DOCK1: variants seen among roughly 807,000 people sequenced by gnomAD.
The protein encoded by DOCK1 is dedicator of cytokinesis 1.
A neutral mutation model predicts 262.7 loss-of-function variants in DOCK1; 138 were observed. That is an observed-to-expected ratio of 0.53 (90% CI 0.46 to 0.61). DOCK1 has a LOEUF of 0.61. Ranked by LOEUF, DOCK1 falls within the 20% of genes least tolerant of loss-of-function variation. DOCK1 has a pLI of 0.00. For synonymous variants in DOCK1, 866 were observed against 867.4 expected (o/e 1.00, Z 0.03); for missense variants, 1,908 against 2,370.7 (o/e 0.80, Z 4.05).
chr10:127,138,921 A>G (rs2050958346), intron 27 of DOCK1, among the ~76,000 whole-genome samples: 1 of 152,208 alleles, frequency 6.6e-6, no homozygotes, highest in Non-Finnish European at 1.5e-5. Context: ...GAGTCCTAAC[A>G]GGTCTGCTTG....
intron 27 of DOCK1, among the ~76,000 whole-genome samples, chr10:127,209,748 A>G (rs1052469743): frequency 3.3e-5 from 5 of 152,322 alleles, no homozygotes; most frequent in African/African-American, 1.2e-4. Flanking sequence ...ATGTCCCACA[A>G]ATGGGCAATT....
chr10:127,274,971 G>A (rs1481059719), intron 29 of DOCK1, among the ~76,000 whole-genome samples: 1 of 152,174 alleles, frequency 6.6e-6, no homozygotes, highest in East Asian at 1.9e-4. Flanking sequence ...GTTTCCCCCA[G>A]TGTGGATGTG....
At chr10:127,298,903 G>T (rs145156288) in intron 29 of DOCK1, among the ~76,000 whole-genome samples, 61 of 152,306 alleles carry the variant, frequency 4.0e-4, no homozygotes, top group African/African-American at 1.3e-3. Context: ...TATTCATAAA[G>T]TAATTCGGAT....
intron 29 of DOCK1, among the ~76,000 whole-genome samples, chr10:127,301,231 C>A (rs944698081): frequency 1.3e-5 from 2 of 152,098 alleles, no homozygotes; most frequent in Non-Finnish European, 2.9e-5. Context: ...GAGTGCTAGG[C>A]GGAAGTGCAG....
chr10:127,305,119 A>T (rs1435354040), intron 29 of DOCK1, among the ~76,000 whole-genome samples: 1 of 151,710 alleles, frequency 6.6e-6, no homozygotes, highest in Non-Finnish European at 1.5e-5. Context: ...AATTTTGCAT[A>T]TTTTTTTTAG....
chr10:127,288,621 A>G (rs938098207), intron 29 of DOCK1, among the ~76,000 whole-genome samples: 2 of 152,018 alleles, frequency 1.3e-5, no homozygotes, highest in Non-Finnish European at 2.9e-5. Flanking sequence ...TTGATTTTAT[A>G]TGTGTAATTT....
rs928460121 is a variant in DOCK1 at position 127,012,793 on chromosome 10, C to T, written c.1201+419C>T. ...TGATTTCTCCGCCCCTACACTCCGC[C>T]TCACACTCACTGTTTTTAATCCTGC... On this transcript the variant is annotated intron_variant, in intron 12 of 51. Coordinates refer to ENST00000623213, the MANE Select transcript of DOCK1 (RefSeq NM_001290223.2). The surrounding 1 kb of genome is among the most constrained non-coding windows in gnomAD (Gnocchi z 4.0). Among the ~76,000 whole-genome samples, 2 of 152,214 alleles carry T rather than the reference C, an allele frequency of 1.3e-5. No homozygotes were observed. The highest frequency in any genetic ancestry group is 2.9e-5 in the Non-Finnish European group (2 of 68,038).
chr10:127,112,651 C>G lies in DOCK1; in HGVS notation c.2623+2297C>G, dbSNP rs141692061. Among the ~76,000 whole-genome samples, 909 of 152,198 alleles carry G rather than the reference C, an allele frequency of 6.0e-3. 37 individuals are homozygous for G. The highest frequency in any genetic ancestry group is 2.3e-3 in the Non-Finnish European group (158 of 68,020). On this transcript the variant is annotated intron_variant, in intron 25 of 51. Coordinates refer to ENST00000623213, the MANE Select transcript of DOCK1 (RefSeq NM_001290223.2). ...TTGATCTTAGTATAAGCAAGTTGTACCCAATGTAGTAAATGAGGTTGTATG... is the reference window on the plus strand; with the variant it reads ...TTGATCTTAGTATAAGCAAGTTGTAGCCAATGTAGTAAATGAGGTTGTATG...
chr10:127,257,678 G>T, intron 29 of DOCK1: 1 of 361,846 alleles, frequency 2.8e-6, no homozygotes, highest in Non-Finnish European at 5.2e-6. Flanking sequence ...GCCTGAAGCT[G>T]GATCTCCCCT....
intron 48 of DOCK1, among the ~76,000 whole-genome samples, chr10:127,435,719 A>G (rs2069643020): frequency 6.6e-6 from 1 of 152,186 alleles, no homozygotes; most frequent in African/African-American, 2.4e-5. Flanking sequence ...GCTCTTCCCC[A>G]GAAGGCATTT....
rs1256147988 is a variant in DOCK1, at chr10:127,100,077, T to A, written c.2446-6154T>A. 6.6e-6 allele frequency among the ~76,000 whole-genome samples: 1 copy of A among 152,106 alleles called. No homozygotes were observed. The highest frequency in any genetic ancestry group is 1.5e-5 in the Non-Finnish European group (1 of 68,014). On this transcript the variant is annotated intron_variant, in intron 23 of 51. Coordinates refer to ENST00000623213, the MANE Select transcript of DOCK1 (RefSeq NM_001290223.2). The surrounding 1 kb of genome is among the most constrained non-coding windows in gnomAD (Gnocchi z 5.5). Reference sequence around the variant, plus strand: ...GTGGTGGGGCCAGAGCCCATGGCCCTCCATGGGTGTGGGATAGGTTCCCTG... The same window carrying A: ...GTGGTGGGGCCAGAGCCCATGGCCCACCATGGGTGTGGGATAGGTTCCCTG...
intron 27 of DOCK1, among the ~76,000 whole-genome samples, chr10:127,158,144 A>G (rs369142491): frequency 2.0e-5 from 3 of 152,224 alleles, no homozygotes; most frequent in Admixed American, 2.0e-4. Context: ...GATGAAACAG[A>G]TAAGTTATTT....
At chr10:127,409,478 C>T (rs1286188836) in intron 42 of DOCK1, 87 bp downstream of exon 42, 28 of 1,416,220 alleles carry the variant, frequency 2.0e-5, no homozygotes, top group African/African-American at 9.9e-5. Context: ...TTTTAAAGGA[C>T]GGACTTTGGC....
intron 23 of DOCK1, among the ~76,000 whole-genome samples, chr10:127,075,430 G>A (rs1591918376): frequency 6.6e-6 from 1 of 152,068 alleles, no homozygotes; most frequent in South Asian, 2.1e-4. Context: ...CACCACCACA[G>A]ATGGCTAATT....
In DOCK1 at chr10:127,444,074, A is replaced by C. The variant is rs1469809586; in HGVS notation, c.5260-52A>C. On this transcript the variant is annotated intron_variant, in intron 49 of 51. Coordinates refer to ENST00000623213, the MANE Select transcript of DOCK1 (RefSeq NM_001290223.2). The stretch of plus-strand genomic sequence containing the variant: ...AACATAGGAATTTAGGTGGAAACGC[A>C]ACTCAGCCCATAACAGACCGTAACT... The C allele has an allele frequency of 5.8e-5, 89 of 1,545,506 alleles. 1 individual carries two copies. In the Middle Eastern group the frequency reaches 1.7e-3, roughly 29 times the overall value.
At chr10:127,350,450 G>A (rs571022642) in intron 31 of DOCK1, among the ~76,000 whole-genome samples, 44 of 152,134 alleles carry the variant, frequency 2.9e-4, no homozygotes, top group Admixed American at 1.5e-3. Flanking sequence ...TACCCTCTTC[G>A]TCCAGATTTC....
At chr10:127,353,078 T>C (rs2063964551) in intron 31 of DOCK1, among the ~76,000 whole-genome samples, 1 of 152,158 alleles carries the variant, frequency 6.6e-6, no homozygotes, top group Non-Finnish European at 1.5e-5. Flanking sequence ...CACCTCTTTC[T>C]GATGCCACTT....
At chr10:127,389,564 G>T (rs1424747658) in intron 38 of DOCK1, among the ~76,000 whole-genome samples, 1 of 152,180 alleles carries the variant, frequency 6.6e-6, no homozygotes, top group Non-Finnish European at 1.5e-5. Context: ...CCCTGATATG[G>T]TTTCGATCTG....
chr10:127,160,516 C>T (rs941807496), intron 27 of DOCK1, among the ~76,000 whole-genome samples: 21 of 152,192 alleles, frequency 1.4e-4, no homozygotes, highest in Non-Finnish European at 2.2e-4. Context: ...TGATTTGCTG[C>T]TCTTTTAAAT....
Sources: gnomAD v4.1 joint callset for allele counts (sites outside exome capture counted in the v4.1 genomes callset) on GRCh38, gnomAD v4.1.1 for gene constraint, Gnocchi (gnomAD v3.1) non-coding constraint, MANE v1.5 for transcripts, NCBI Gene and HGNC (gene_info 2026-07-23, HGNC 2026-07-21) for gene names.